Variants in LIMD1 observed in about 807,000 individuals in gnomAD.
LIMD1 encodes the protein LIM domain-containing protein 1.
A neutral mutation model predicts 58.4 loss-of-function variants in LIMD1; 23 were observed. The ratio of observed to expected loss-of-function variants is 0.39; its 90% CI spans 0.28 to 0.56. The LOEUF (loss-of-function observed/expected upper bound fraction) is 0.56, where lower values mean the gene tolerates loss of function less well. Among genes scored for constraint, LIMD1 ranks in the 20% least tolerant of loss-of-function variants. LIMD1 has a pLI of 0.57. For synonymous variants in LIMD1, 334 were observed against 345.5 expected (o/e 0.97, Z 0.37); for missense variants, 838 against 855.5 (o/e 0.98, Z 0.25).
chr3:45,640,665 G>C (rs949503751), intron 2 of LIMD1, among the ~76,000 whole-genome samples: 1 of 152,150 alleles, frequency 6.6e-6, no homozygotes, highest in Admixed American at 6.5e-5. Context: ...CCTGACCTCA[G>C]GTGATCTGCC....
At chr3:45,645,155 G>A (rs1006033634) in intron 2 of LIMD1, among the ~76,000 whole-genome samples, 1 of 152,198 alleles carries the variant, frequency 6.6e-6, no homozygotes. Context: ...CTGGCCAGAG[G>A]GCTGCAGGGA....
At chr3:45,636,743 G>A (rs1345285405) in intron 2 of LIMD1, among the ~76,000 whole-genome samples, 5 of 152,162 alleles carry the variant, frequency 3.3e-5, no homozygotes, top group Non-Finnish European at 5.9e-5. Context: ...ATGAGCATGA[G>A]GTGTGTGTGC....
chr3:45,628,133 C>T (rs75905993), intron 1 of LIMD1, among the ~76,000 whole-genome samples: 15 of 152,054 alleles, frequency 9.9e-5, no homozygotes, highest in African/African-American at 3.4e-4. Context: ...CTAATTGCCT[C>T]GAGAGAATTT....
At position 45,682,038 on chromosome 3, in the gene LIMD1, G is replaced by A. The variant is rs541631871; in HGVS notation, c.*4979G>A. 1 of 152,378 alleles carries A rather than the reference G, an allele frequency of 6.6e-6. No individual in the cohort carries two copies. Among genetic ancestry groups the A allele is most frequent in the East Asian group, 1.9e-4 (1 of 5,192 alleles). 9.4% of individuals were successfully genotyped at this position (152,378 alleles called of 1,614,324 possible). ...GCCAAGTGTGTGGTTAGAATCCTTG[G>A]GGTGGGGAAAGAGTTTGTTCTAGAC... is the stretch of plus-strand genomic sequence containing the variant. On this transcript the variant is annotated 3_prime_UTR_variant, in exon 8 of 8. Transcript: ENST00000273317.
At chr3:45,671,736 G>C (rs1473343569) in intron 4 of LIMD1, among the ~76,000 whole-genome samples, 1 of 152,126 alleles carries the variant, frequency 6.6e-6, no homozygotes, top group Non-Finnish European at 1.5e-5. Context: ...TCTGGGATGG[G>C]GTCCAAGAAT....
rs1000038919 is a variant in LIMD1 at position 45,594,877 on chromosome 3, A to G, written c.-3A>G. 2.0e-5 allele frequency: 32 copies of G among 1,597,722 alleles called. No homozygotes were observed. Among genetic ancestry groups the G allele is most frequent in the Non-Finnish European group, 2.6e-5 (30 of 1,173,858 alleles). On this transcript the variant is annotated 5_prime_UTR_variant, in exon 1 of 8. Coordinates refer to ENST00000273317, the MANE Select transcript of LIMD1 (RefSeq NM_014240.3). ...GGGCTAGGCCCGGACACCTGTCTGC[A>G]GCATGGATAAGTATGACGACCTGGG...
intron 2 of LIMD1, among the ~76,000 whole-genome samples, chr3:45,661,849 C>G (rs1407119619): frequency 6.6e-6 from 1 of 152,250 alleles, no homozygotes; most frequent in East Asian, 1.9e-4. Context: ...GTCTCAACCT[C>G]TAGGCACAAG....
intron 1 of LIMD1, among the ~76,000 whole-genome samples, chr3:45,631,585 A>G (rs940126414): frequency 3.8e-4 from 58 of 152,104 alleles, no homozygotes; most frequent in Non-Finnish European, 1.5e-4. Context: ...CAGCAGCCCG[A>G]AGGACTCAGC....
chr3:45,607,148 G>C (rs1428055459), intron 1 of LIMD1, among the ~76,000 whole-genome samples: 1 of 152,228 alleles, frequency 6.6e-6, no homozygotes, highest in Non-Finnish European at 1.5e-5. Context: ...AAACTGAACA[G>C]AAACCTTGTC....
intron 2 of LIMD1, among the ~76,000 whole-genome samples, chr3:45,641,045 G>T (rs1256971542): frequency 2.0e-5 from 3 of 152,172 alleles, no homozygotes; most frequent in Non-Finnish European, 4.4e-5. Flanking sequence ...TTCAGCAGAA[G>T]GAGGCACCCG....
intron 1 of LIMD1, among the ~76,000 whole-genome samples, chr3:45,626,517 C>G (rs1243235228): frequency 6.6e-6 from 1 of 152,160 alleles, no homozygotes; most frequent in Non-Finnish European, 1.5e-5. Context: ...AAAGATACAA[C>G]ATTCTGGAAA....
chr3:45,614,251 G>T (rs751570870), intron 1 of LIMD1, among the ~76,000 whole-genome samples: 2 of 151,980 alleles, frequency 1.3e-5, no homozygotes, highest in Non-Finnish European at 2.9e-5. Flanking sequence ...TCTTAGGCTG[G>T]GCACAGTGGC....
chr3:45,652,111 G>C (rs937695948), intron 2 of LIMD1, among the ~76,000 whole-genome samples: 2 of 152,024 alleles, frequency 1.3e-5, no homozygotes, highest in African/African-American at 4.8e-5. Context: ...ATTTTTAGTA[G>C]AGGTGGAGTT....
intron 1 of LIMD1, among the ~76,000 whole-genome samples, chr3:45,613,250 C>T (rs1443996065): frequency 6.6e-6 from 1 of 152,146 alleles, no homozygotes; most frequent in Non-Finnish European, 1.5e-5. Context: ...GAAGGTGTCT[C>T]TAAATAGAAG....
chr3:45,602,114 T>A (rs908828478), intron 1 of LIMD1, among the ~76,000 whole-genome samples: 6 of 152,166 alleles, frequency 3.9e-5, no homozygotes, highest in East Asian at 1.9e-4. Context: ...AGCTAATTTT[T>A]TATATATATG....
intron 3 of LIMD1, among the ~76,000 whole-genome samples, chr3:45,667,746 C>T (rs1468120473): frequency 6.6e-6 from 1 of 151,956 alleles, no homozygotes; most frequent in Non-Finnish European, 1.5e-5. Flanking sequence ...GCTGTGTGAC[C>T]TTGAAAAGTT....
At chr3:45,614,698 G>A (rs901391030) in intron 1 of LIMD1, among the ~76,000 whole-genome samples, 1 of 151,418 alleles carries the variant, frequency 6.6e-6, no homozygotes, top group Non-Finnish European at 1.5e-5. Context: ...ATTCCAGCCT[G>A]GGCAACAGAA....
intron 2 of LIMD1, among the ~76,000 whole-genome samples, chr3:45,664,042 T>C (rs6789912): frequency 0.09 from 13,709 of 151,992 alleles, 1,915 homozygotes; most frequent in African/African-American, 0.31. Context: ...AGCTCTTTTT[T>C]GTATTTTTAG....
rs964128896 is a variant in LIMD1, at chr3:45,638,689, G to A, written c.1510+2438G>A. On this transcript the variant is annotated intron_variant, in intron 2 of 7. Coordinates refer to ENST00000273317, the MANE Select transcript of LIMD1 (RefSeq NM_014240.3). ...AGTAATGGGATTACTGGGTCAAATG[G>A]TAGCTCTATTTTTAGTTCTTTGAGA... 2.7e-4 allele frequency among the ~76,000 whole-genome samples: 41 copies of A among 152,186 alleles called. 1 individual carries two copies. The highest frequency in any genetic ancestry group is 2.7e-3 in the Admixed American group (41 of 15,276).
Sources: allele counts gnomAD v4.1 joint callset (sites outside exome capture counted in the v4.1 genomes callset), GRCh38; gene constraint gnomAD v4.1.1; transcripts MANE v1.5; gene names NCBI Gene and HGNC (gene_info 2026-07-23, HGNC 2026-07-21).